SUMF2: variants seen among roughly 807,000 people sequenced by gnomAD.
SUMF2 encodes sulfatase modifying factor 2, also known as inactive C-alpha-formylglycine-generating enzyme 2.
In SUMF2, 45 loss-of-function variants were observed where a neutral mutation model predicts 44.8. The observed-to-expected ratio is 1.00, with a 90% CI of 0.79 to 1.29. The LOEUF is 1.29. SUMF2 is among the 50% of genes most tolerant of loss of function. SUMF2 has a pLI of 0.00. For missense variants in SUMF2, 418 were observed against 389.9 expected (o/e 1.07, Z -0.61); for synonymous variants, 148 against 150.4 (o/e 0.98, Z 0.12).
Position 56,078,456 on chromosome 7 carries a change from T to G in SUMF2, c.769T>G (p.Trp257Gly). 2 of 1,606,098 alleles carry G rather than the reference T, an allele frequency of 1.2e-6. No individual in the cohort carries two copies. The highest frequency in any genetic ancestry group is 1.1e-5 in the South Asian group (1 of 90,156). ...QDMRVLRGAS[W>G]IDTADGSANH... The stretch of plus-strand genomic sequence containing the variant: ...CATGCGCGTCCTCCGGGGGGCATCC[T>G]GGATCGACACAGCTGATGGCTCTGC... The change falls in exon 8 of 9, where the codon TGG becomes GGG. Residue 257 changes from tryptophan (W) to glycine (G), a missense_variant. Transcript: ENST00000434526.
At position 56,079,621 on chromosome 7, in the gene SUMF2, G is replaced by A; in HGVS notation, c.*9G>A. The A allele has an allele frequency of 1.2e-6, 2 of 1,614,252 alleles. No homozygotes were observed. The highest frequency in any genetic ancestry group is 8.5e-7 in the Non-Finnish European group (1 of 1,180,048). On this transcript the variant is annotated 3_prime_UTR_variant, in exon 9 of 9. Transcript: ENST00000434526. ...CGCCAGGGGAGCTGTAAGCAGCCGGGTGGTGACAAGGAGAAAAGCCTTCTA... is the reference window on the plus strand; with the variant it reads ...CGCCAGGGGAGCTGTAAGCAGCCGGATGGTGACAAGGAGAAAAGCCTTCTA...
At chr7:56,080,750 AG>A, downstream of SUMF2, 2 of 422,230 alleles carry the variant, frequency 4.7e-6, no homozygotes, top group African/African-American at 2.0e-5. Flanking sequence ...CCTCCCCTAA[AG>A]AGAAATGGAG....
intron 3 of SUMF2, 137 bp downstream of exon 3, chr7:56,073,248 A>C: frequency 2.7e-6 from 2 of 728,122 alleles, no homozygotes; most frequent in Non-Finnish European, 4.9e-6. Context: ...AGAGAAACTC[A>C]CCATGGAGCG....
At position 56,068,625 on chromosome 7, in the gene SUMF2, A is replaced by G. The variant is rs536103224; in HGVS notation, c.211A>G (p.Asn71Asp). 6.2e-7 allele frequency: 1 copy of G among 1,613,628 alleles called. No homozygotes were observed. Among genetic ancestry groups the G allele is most frequent in the African/African-American group, 1.3e-5 (1 of 74,980 alleles). The change falls in exon 2 of 9, where the codon AAC becomes GAC. Residue 71 changes from asparagine to aspartate, a missense_variant. By Grantham distance (23) the Asn-to-Asp change is conservative. Transcript: ENST00000434526. ...PFAIDIFPVT[N>D]KDFRDFVREK... ...TGCCATCGACATATTTCCTGTCACC[A>G]ACAAAGATTTCAGGTACATCAGGTA...
Position 56,078,175 on chromosome 7 carries a change from A to G in SUMF2, c.665A>G (p.Gln222Arg), listed in dbSNP as rs1795695384. ...TCCCCAGTGAATGCTTTCCCCGCCC[A>G]GAACAACTACGGTAAGAGCTGTCTT... ...GVSPVNAFPA[Q>R]NNYGLYDLLG... Residue 222 changes from glutamine to arginine, a missense_variant, in exon 7 of 9, where the codon CAG becomes CGG. Gln to Arg is a conservative substitution (Grantham distance 43). Transcript: ENST00000434526. 2.5e-6 allele frequency: 4 copies of G among 1,611,528 alleles called. No individual in the cohort carries two copies. Among genetic ancestry groups the G allele is most frequent in the South Asian group, 1.1e-5 (1 of 91,010 alleles).
downstream of SUMF2, chr7:56,081,928 C>T (rs773165951): frequency 2.4e-5 from 39 of 1,613,542 alleles, no homozygotes; most frequent in African/African-American, 5.3e-5. The surrounding 1 kb of genome is among the most constrained non-coding windows in gnomAD (Gnocchi z 4.6). Flanking sequence ...TCATCCCACT[C>T]GGGCGAGCCA....
Position 56,078,519 on chromosome 7 carries a change from T to C in SUMF2, c.821+11T>C, listed in dbSNP as rs765904019. 42 of 1,551,142 alleles carry C rather than the reference T, an allele frequency of 2.7e-5. No homozygotes were observed. Among genetic ancestry groups the C allele is most frequent in the Non-Finnish European group, 3.7e-5 (42 of 1,147,378 alleles). ...CCGGGTCACCACCAGGTAAGGGGCT[T>C]GGTCCCAGGCAACACGGGGCCTTGT... On this transcript the variant is annotated intron_variant, in intron 8 of 8. Coordinates refer to ENST00000434526, the MANE Select transcript of SUMF2 (RefSeq NM_015411.4).
intron 3 of SUMF2, chr7:56,073,511 G>T: frequency 3.4e-6 from 1 of 296,322 alleles, no homozygotes; most frequent in Admixed American, 4.1e-5. Context: ...AGGCATGGTG[G>T]CACGCTCCTG....
the SUMF2 span, among the ~76,000 whole-genome samples, chr7:56,086,717 T>G: frequency 1.3e-5 from 2 of 152,168 alleles, no homozygotes; most frequent in African/African-American, 4.8e-5. Flanking sequence ...TGCCAGTCAC[T>G]GTGCTATTAT....
downstream of SUMF2, chr7:56,081,729 G>C: frequency 6.2e-7 from 1 of 1,613,828 alleles, no homozygotes; most frequent in African/African-American, 1.3e-5. This position sits in a 1 kb window ranked among gnomAD's most constrained non-coding sequence, Gnocchi z 4.6. Context: ...AGCGGTTCTG[G>C]GGTTGCACCA....
chr7:56,075,949 G>A (rs1292802151), intron 5 of SUMF2, among the ~76,000 whole-genome samples: 5 of 151,526 alleles, frequency 3.3e-5, no homozygotes, highest in African/African-American at 9.7e-5. Flanking sequence ...TGCAACCTCC[G>A]CCTCCCGGGT....
downstream of SUMF2, chr7:56,081,447 C>T (rs187812855): frequency 1.1e-5 from 14 of 1,287,932 alleles, no homozygotes; most frequent in Middle Eastern, 2.7e-4. The surrounding 1 kb of genome is among the most constrained non-coding windows in gnomAD (Gnocchi z 4.6). Context: ...CCCACTTGGC[C>T]AGCATCCTCA....
the SUMF2 span, among the ~76,000 whole-genome samples, chr7:56,085,707 G>C: frequency 2.6e-5 from 4 of 151,864 alleles, 1 homozygote; most frequent in South Asian, 8.4e-4. Context: ...GCTCACGCCT[G>C]TAATCCCAGC....
intron 5 of SUMF2, among the ~76,000 whole-genome samples, chr7:56,076,281 C>T (rs1432307535): frequency 1.3e-5 from 2 of 152,126 alleles, no homozygotes; most frequent in African/African-American, 4.8e-5. Flanking sequence ...CTGCCTTGGC[C>T]TCCCAAAGTG....
Position 56,074,805 on chromosome 7 carries a change from G to A in SUMF2, c.535+69G>A. The A allele has an allele frequency of 6.9e-6, 11 of 1,589,714 alleles. No homozygotes were observed. In the South Asian group the frequency reaches 1.1e-4, roughly 16 times the overall value. ...CCTGCCCAGCATGAGGGGCTTTAAAGGGTGGAAAGGGGCTGGGCGCAGTGG... is the reference window on the plus strand; with the variant it reads ...CCTGCCCAGCATGAGGGGCTTTAAAAGGTGGAAAGGGGCTGGGCGCAGTGG... On this transcript the variant is annotated intron_variant, in intron 5 of 8. Coordinates refer to ENST00000434526, the MANE Select transcript of SUMF2 (RefSeq NM_015411.4).
At chr7:56,072,907 G>A in intron 2 of SUMF2, 90 bp from the exon 3 acceptor site, 2 of 862,188 alleles carry the variant, frequency 2.3e-6, no homozygotes, top group East Asian at 2.4e-5. Flanking sequence ...TAACTTACAG[G>A]ACAGGGATAT....
intron 1 of SUMF2, among the ~76,000 whole-genome samples, chr7:56,066,565 A>G (rs1188455705): frequency 6.6e-6 from 1 of 151,952 alleles, no homozygotes; most frequent in Non-Finnish European, 1.5e-5. Context: ...CTCCTGCCTC[A>G]GCTTCCGGAG....
At chr7:56,076,698 A>G in intron 5 of SUMF2, 136 bp from the exon 6 acceptor site, 1 of 774,092 alleles carries the variant, frequency 1.3e-6, no homozygotes. Flanking sequence ...GGCATGGCAA[A>G]TAAAAGCAGG....
intron 6 of SUMF2, 53 bp from the exon 7 acceptor site, chr7:56,078,049 G>C (rs1795682445): frequency 6.7e-7 from 1 of 1,503,052 alleles, no homozygotes; most frequent in Admixed American, 1.8e-5. Context: ...ATAGGCATGA[G>C]GACCTGCTTT....
Sources: gnomAD v4.1 joint callset for allele counts (sites outside exome capture counted in the v4.1 genomes callset) on GRCh38, gnomAD v4.1.1 for gene constraint, Gnocchi (gnomAD v3.1) non-coding constraint, MANE v1.5 for transcripts, NCBI Gene and HGNC (gene_info 2026-07-23, HGNC 2026-07-21) for gene names.